DAB1: variants seen among roughly 807,000 people sequenced by gnomAD.
DAB1 encodes disabled homolog 1.
A neutral mutation model predicts 64.6 loss-of-function variants in DAB1; 15 were observed. That is an observed-to-expected ratio of 0.23 (90% confidence interval 0.16 to 0.36). DAB1 has a LOEUF of 0.36. DAB1 is among the 10% of genes least tolerant of loss of function. The probability of loss-of-function intolerance (pLI) is 1.00; values close to 1 mark genes in which losing one functional copy is unlikely to be tolerated. For missense variants in DAB1, 596 were observed against 706.7 expected (o/e 0.84, Z 1.78); for synonymous variants, 235 against 251.9 (o/e 0.93, Z 0.64).
At chr1:57,493,458 T>C (rs1193533005) in intron 7 of DAB1, among the ~76,000 whole-genome samples, 1 of 152,224 alleles carries the variant, frequency 6.6e-6, no homozygotes, top group Non-Finnish European at 1.5e-5. Flanking sequence ...CTGTAGCATG[T>C]ATCAGAATTA....
chr1:58,175,032 G>A (rs1159419147), intron 4 of DAB1, among the ~76,000 whole-genome samples: 1 of 152,194 alleles, frequency 6.6e-6, no homozygotes, highest in Non-Finnish European at 1.5e-5. Context: ...ATAAAAGCTG[G>A]CCACCTGAGC....
At chr1:57,528,689 A>C (rs554087980) in intron 7 of DAB1, among the ~76,000 whole-genome samples, 29 of 150,588 alleles carry the variant, frequency 1.9e-4, no homozygotes, top group African/African-American at 6.4e-4. Flanking sequence ...GACACACAAC[A>C]TAAGTGGGAA....
chr1:58,066,027 G>A (rs1486522784), intron 5 of DAB1, among the ~76,000 whole-genome samples: 1 of 152,244 alleles, frequency 6.6e-6, no homozygotes, highest in East Asian at 1.9e-4. Flanking sequence ...CCATCTTGAA[G>A]GGATTTCTTG....
At chr1:57,942,227 C>G (rs1023629622) in intron 5 of DAB1, among the ~76,000 whole-genome samples, 2 of 152,194 alleles carry the variant, frequency 1.3e-5, no homozygotes, top group Non-Finnish European at 2.9e-5. Flanking sequence ...TCCAGGCACA[C>G]TGTAGTCAGT....
chr1:58,135,220 C>T (rs992161056), intron 5 of DAB1, among the ~76,000 whole-genome samples: 1 of 152,200 alleles, frequency 6.6e-6, no homozygotes, highest in Non-Finnish European at 1.5e-5. Flanking sequence ...GACATACCAA[C>T]AAGGACTGTC....
chr1:57,180,923 C>A (rs548129814), intron 2 of DAB1, among the ~76,000 whole-genome samples: 13 of 152,336 alleles, frequency 8.5e-5, no homozygotes, highest in African/African-American at 2.4e-4. Flanking sequence ...TTGGTGCATT[C>A]TTTTCCCATA....
chr1:57,274,374 C>A (rs1335377487), intron 2 of DAB1, among the ~76,000 whole-genome samples: 2 of 152,200 alleles, frequency 1.3e-5, no homozygotes, highest in Non-Finnish European at 2.9e-5. Flanking sequence ...GGGCCCTGAG[C>A]AAGTTGCCTC....
chr1:57,354,951 C>T (rs1678941861), intron 1 of DAB1, among the ~76,000 whole-genome samples: 1 of 152,102 alleles, frequency 6.6e-6, no homozygotes, highest in African/African-American at 2.4e-5. Flanking sequence ...CCTCCATCAG[C>T]CCTGTCTTCT....
At chr1:57,624,104 AG>A (rs1334506898) in intron 7 of DAB1, among the ~76,000 whole-genome samples, 3 of 152,180 alleles carry the variant, frequency 2.0e-5, no homozygotes, top group African/African-American at 7.2e-5. Context: ...CCTAACCCAC[AG>A]GTTTGTTGTC....
intron 4 of DAB1, among the ~76,000 whole-genome samples, chr1:58,184,935 GAAC>G (rs1262772376): frequency 6.6e-6 from 1 of 152,118 alleles, no homozygotes; most frequent in Admixed American, 6.6e-5. Flanking sequence ...GTGTCTAAGG[GAAC>G]AGTCAAAGAG....
At chr1:57,532,915 A>G (rs1367785081) in intron 7 of DAB1, among the ~76,000 whole-genome samples, 1 of 152,162 alleles carries the variant, frequency 6.6e-6, no homozygotes, top group African/African-American at 2.4e-5. Flanking sequence ...TAACTCATTT[A>G]ATAACCCCTA....
intron 6 of DAB1, among the ~76,000 whole-genome samples, chr1:57,768,996 C>A (rs1224669680): frequency 1.3e-5 from 2 of 152,140 alleles, no homozygotes; most frequent in Non-Finnish European, 2.9e-5. Flanking sequence ...GGTGACTTGG[C>A]CCCTTCATCT....
intron 2 of DAB1, among the ~76,000 whole-genome samples, chr1:58,518,772 G>C (rs1646213612): frequency 6.6e-6 from 1 of 152,122 alleles, no homozygotes; most frequent in African/African-American, 2.4e-5. Flanking sequence ...TACTGGGTTT[G>C]AGATAATGTA....
chr1:57,443,569 T>C (rs1372978682), intron 7 of DAB1, among the ~76,000 whole-genome samples: 1 of 152,228 alleles, frequency 6.6e-6, no homozygotes, highest in African/African-American at 2.4e-5. Flanking sequence ...CCAACTCTGT[T>C]CCAGGCACTA....
At chr1:57,568,435 T>C (rs1410555921) in intron 7 of DAB1, among the ~76,000 whole-genome samples, 4 of 152,110 alleles carry the variant, frequency 2.6e-5, no homozygotes, top group Non-Finnish European at 4.4e-5. Flanking sequence ...TGGGATCGAA[T>C]TAAACTAAAG....
Position 58,139,827 on chromosome 1 carries a change from C to T in DAB1, n.387+10684G>A, listed in dbSNP as rs543223189. Among the ~76,000 whole-genome samples the T allele has an allele frequency of 8.8e-4, 134 of 152,272 alleles. 1 individual carries two copies. The highest frequency in any genetic ancestry group is 1.5e-3 in the Non-Finnish European group (99 of 68,018). On this transcript the variant is annotated intron_variant and non_coding_transcript_variant, in intron 5 of 20. Coordinates refer to the DAB1 transcript ENST00000485760. The stretch of plus-strand genomic sequence containing the variant: ...CAAACTTACCTATAAAATGGTGTAA[C>T]ACTTTCATTTTCAGGGATGCTTTGG...
intron 1 of DAB1, among the ~76,000 whole-genome samples, chr1:57,331,153 GAC>G (rs1337012531): frequency 6.6e-6 from 1 of 151,788 alleles, no homozygotes; most frequent in Non-Finnish European, 1.5e-5. Flanking sequence ...TATTTTTTTT[GAC>G]TCTCTGTATC....
In DAB1 at chr1:58,495,108, T is replaced by C. The variant is rs564404550; in HGVS notation, n.257+10952A>G. Among the ~76,000 whole-genome samples the C allele has an allele frequency of 8.8e-3, 1,346 of 152,310 alleles. 3 individuals are homozygous for C. Among genetic ancestry groups the C allele is most frequent in the South Asian group, 0.023 (111 of 4,830 alleles). The stretch of plus-strand genomic sequence containing the variant: ...GCAGCCATAAAAAAGGATGAGTTCA[T>C]GTCCTTTGTAGGGACATGGATAAAG... On this transcript the variant is annotated intron_variant and non_coding_transcript_variant, in intron 3 of 20. Transcript: ENST00000485760.
intron 2 of DAB1, among the ~76,000 whole-genome samples, chr1:57,165,640 CTAAGAGGTAGT>C (rs1192840242): frequency 6.6e-6 from 1 of 152,114 alleles, no homozygotes; most frequent in African/African-American, 2.4e-5. Flanking sequence ...TTCAACTGCC[CTAAGAGGTAGT>C]ATGATCTCAA....
Sources: allele counts gnomAD v4.1 joint callset (sites outside exome capture counted in the v4.1 genomes callset), GRCh38; gene constraint gnomAD v4.1.1; transcripts MANE v1.5; gene names NCBI Gene and HGNC (gene_info 2026-07-23, HGNC 2026-07-21).